The following DLGAP1 variants were observed in gnomAD, a reference collection of about 807,000 sequenced individuals.
The protein encoded by DLGAP1 is disks large-associated protein 1.
A neutral mutation model predicts 90.8 loss-of-function variants in DLGAP1; 11 were observed. That is an observed-to-expected ratio of 0.12 (90% CI 0.08 to 0.20). The LOEUF is 0.20. Ranked by LOEUF, DLGAP1 falls within the 10% of genes least tolerant of loss-of-function variation. The pLI, the probability that DLGAP1 is intolerant of heterozygous loss-of-function variation, is 1.00. For synonymous variants in DLGAP1, 558 were observed against 540.7 expected (o/e 1.03, Z -0.44); for missense variants, 1,050 against 1,333.8 (o/e 0.79, Z 3.31).
intron 1 of DLGAP1, among the ~76,000 whole-genome samples, chr18:4,278,860 T>C (rs2079482094): frequency 6.6e-6 from 1 of 152,216 alleles, no homozygotes; most frequent in African/African-American, 2.4e-5. Flanking sequence ...TAGGTATCTT[T>C]GTGATATAAT....
At position 3,714,637 on chromosome 18, in the gene DLGAP1, TG is replaced by T. The variant is rs1157508044; in HGVS notation, c.1591+14497del. ...GGTTTAAAAGAATTAGCTGATTACGTGGTTTTTTTTTTTTTTTTTTTTTTTT... is the reference window on the plus strand; with the variant it reads ...GGTTTAAAAGAATTAGCTGATTACGTGTTTTTTTTTTTTTTTTTTTTTTTT... On this transcript the variant is annotated intron_variant, in intron 7 of 12. Transcript: ENST00000315677. 2.6e-3 allele frequency among the ~76,000 whole-genome samples: 339 copies of T among 130,308 alleles called. 3 individuals carry two copies. Among genetic ancestry groups the T allele is most frequent in the African/African-American group, 9.9e-3 (325 of 32,980 alleles). 85.5% of individuals were successfully genotyped at this position (130,308 alleles called of 152,430 possible).
At position 3,497,251 on chromosome 18, in the gene DLGAP1, CT is replaced by C. The variant is rs754414149; in HGVS notation, c.*1933del. On this transcript the variant is annotated 3_prime_UTR_variant, in exon 13 of 13. Transcript: ENST00000315677. ...CTACAAGGTAAAGAAAAGGTGTATT[CT>C]TTTTAAAACTAGCAAATACTTGAAG... The C allele has an allele frequency of 6.6e-6, 1 of 152,128 alleles. No individual in the cohort carries two copies. The highest frequency in any genetic ancestry group is 1.5e-5 in the Non-Finnish European group (1 of 68,020). The allele number at this position is 152,128 out of a possible 1,614,324, so 9.4% of individuals were successfully genotyped here. A position where few individuals can be genotyped will look rare whatever the true frequency, so the allele number is the denominator to read the frequency against.
chr18:4,205,869 T>G (rs890167015), intron 1 of DLGAP1, among the ~76,000 whole-genome samples: 1 of 152,186 alleles, frequency 6.6e-6, no homozygotes, highest in Admixed American at 6.6e-5. Flanking sequence ...ATTGACTTGA[T>G]GAAAACTGTG....
chr18:3,912,722 C>T (rs1166307297), intron 3 of DLGAP1, among the ~76,000 whole-genome samples: 3 of 152,142 alleles, frequency 2.0e-5, no homozygotes, highest in Admixed American at 1.3e-4. Context: ...TGTCCACAAG[C>T]GTCCTGACTT....
At chr18:4,322,218 A>AG (rs2080709721) in intron 1 of DLGAP1, among the ~76,000 whole-genome samples, 1 of 145,966 alleles carries the variant, frequency 6.9e-6, no homozygotes, top group Non-Finnish European at 1.5e-5. Context: ...AGAAAAAAAA[A>AG]GAAAGAAAGA....
intron 1 of DLGAP1, among the ~76,000 whole-genome samples, chr18:4,345,784 GT>G (rs1455971039): frequency 1.3e-5 from 2 of 152,174 alleles, no homozygotes; most frequent in Non-Finnish European, 2.9e-5. Context: ...TATGTGTCTA[GT>G]TAGTTAATAT....
chr18:3,680,625 A>G (rs1192427030), intron 7 of DLGAP1, among the ~76,000 whole-genome samples: 1 of 152,030 alleles, frequency 6.6e-6, no homozygotes, highest in Non-Finnish European at 1.5e-5. Context: ...TGTCTCTACT[A>G]AAAATACAAA....
At chr18:4,003,852 T>G (rs16945847) in intron 3 of DLGAP1, among the ~76,000 whole-genome samples, 7,739 of 152,302 alleles carry the variant, frequency 0.051, 508 homozygotes, top group African/African-American at 0.15. Context: ...ATGCCAGGAC[T>G]GGTGCAGCCT....
intron 7 of DLGAP1, among the ~76,000 whole-genome samples, chr18:3,648,964 G>T (rs1187241395): frequency 6.6e-6 from 1 of 152,196 alleles, no homozygotes; most frequent in Non-Finnish European, 1.5e-5. Flanking sequence ...GTTGTTAAGT[G>T]CTCAAGGCCG....
At chr18:3,665,743 A>G (rs2059855585) in intron 7 of DLGAP1, among the ~76,000 whole-genome samples, 1 of 152,230 alleles carries the variant, frequency 6.6e-6, no homozygotes, top group Admixed American at 6.5e-5. Flanking sequence ...CTACAGTGGC[A>G]GGGCTAATAT....
At chr18:3,584,762 T>C (rs191412723) in intron 7 of DLGAP1, among the ~76,000 whole-genome samples, 21 of 151,982 alleles carry the variant, frequency 1.4e-4, no homozygotes, top group Non-Finnish European at 2.9e-4. Context: ...TTCATCTCTC[T>C]TTTTTTTAGA....
intron 7 of DLGAP1, among the ~76,000 whole-genome samples, chr18:3,718,633 T>A (rs1404644258): frequency 6.6e-6 from 1 of 151,636 alleles, no homozygotes; most frequent in Non-Finnish European, 1.5e-5. Context: ...ACAGAAATAA[T>A]GACTGAAAAT....
intron 4 of DLGAP1, among the ~76,000 whole-genome samples, chr18:3,821,288 C>CAAAAAAAAAAAAAAAAA (rs56279066): frequency 1.4e-5 from 1 of 72,710 alleles, no homozygotes; most frequent in Non-Finnish European, 2.6e-5. Context: ...GACTCTGTGT[C>CAAAAAAAAAAAAAAAAA]AAAAAAAAAA....
chr18:4,007,702 A>G (rs1419965040), intron 2 of DLGAP1, among the ~76,000 whole-genome samples: 1 of 152,110 alleles, frequency 6.6e-6, no homozygotes, highest in Non-Finnish European at 1.5e-5. Flanking sequence ...GCTATGAGGC[A>G]TCAGAATAAA....
intron 7 of DLGAP1, among the ~76,000 whole-genome samples, chr18:3,598,877 A>C (rs921083001): frequency 2.0e-5 from 3 of 152,138 alleles, no homozygotes; most frequent in Admixed American, 2.0e-4. Flanking sequence ...GGCTCACTGC[A>C]ACCTTCTGCC....
At chr18:3,739,534 C>A (rs1430458559) in intron 6 of DLGAP1, among the ~76,000 whole-genome samples, 7 of 146,882 alleles carry the variant, frequency 4.8e-5, no homozygotes, top group East Asian at 2.1e-4. Flanking sequence ...GAACAAAAAA[C>A]CAAACACCGC....
At chr18:3,563,685 T>C (rs2054275286) in intron 9 of DLGAP1, among the ~76,000 whole-genome samples, 1 of 152,102 alleles carries the variant, frequency 6.6e-6, no homozygotes, top group African/African-American at 2.4e-5. Flanking sequence ...GCCAGGCTGG[T>C]CTTGAACTCC....
chr18:3,510,392 G>T (rs2050475003), intron 10 of DLGAP1, among the ~76,000 whole-genome samples: 1 of 152,152 alleles, frequency 6.6e-6, no homozygotes, highest in African/African-American at 2.4e-5. Context: ...CTCTTCTATG[G>T]GTGTGCCCAC....
At chr18:3,529,091 T>A (rs1291413444) in intron 10 of DLGAP1, among the ~76,000 whole-genome samples, 24 of 152,226 alleles carry the variant, frequency 1.6e-4, no homozygotes, top group Admixed American at 1.6e-3. Flanking sequence ...AACTGTTAGT[T>A]ACTTGCTATG....
Sources: gnomAD v4.1 joint callset for allele counts (sites outside exome capture counted in the v4.1 genomes callset) on GRCh38, gnomAD v4.1.1 for gene constraint, MANE v1.5 for transcripts, NCBI Gene and HGNC (gene_info 2026-07-23, HGNC 2026-07-21) for gene names.